The following CCDC171 variants were observed in gnomAD, a reference collection of about 807,000 sequenced individuals.
CCDC171 encodes the protein coiled-coil domain-containing protein 171.
CCDC171 carries 177 observed loss-of-function variants against 168.2 expected under a neutral mutation model. That is an observed-to-expected ratio of 1.05 (90% confidence interval 0.93 to 1.19). The LOEUF is 1.19. Among genes scored for constraint, CCDC171 ranks in the 50% most tolerant of loss-of-function variants. CCDC171 has a pLI of 0.00. For synonymous variants in CCDC171, 687 were observed against 540.8 expected (o/e 1.27, Z -3.75); for missense variants, 1,991 against 1,539.0 (o/e 1.29, Z -4.91).
chr9:15,812,981 T>G (rs951940293), intron 21 of CCDC171, among the ~76,000 whole-genome samples: 6 of 152,212 alleles, frequency 3.9e-5, no homozygotes, highest in Non-Finnish European at 7.3e-5. Context: ...TTGAGCTGGA[T>G]GCAATGACTA....
At chr9:15,628,904 G>A (rs1298527666) in intron 7 of CCDC171, among the ~76,000 whole-genome samples, 1 of 152,172 alleles carries the variant, frequency 6.6e-6, no homozygotes. Context: ...CACCGCTGCT[G>A]GTACCCAGGC....
At chr9:16,087,766 G>A in the CCDC171 span, among the ~76,000 whole-genome samples, 54 of 152,098 alleles carry the variant, frequency 3.6e-4, no homozygotes, top group Admixed American at 1.5e-3. Flanking sequence ...ATATTGTTAT[G>A]TATGGATTTG....
At chr9:15,759,123 A>G (rs993331933) in intron 18 of CCDC171, among the ~76,000 whole-genome samples, 3 of 152,088 alleles carry the variant, frequency 2.0e-5, no homozygotes, top group Non-Finnish European at 2.9e-5. Context: ...CCCTCTCTCC[A>G]GCCTTCCTCC....
chr9:15,615,134 C>G (rs2043988533), intron 6 of CCDC171, among the ~76,000 whole-genome samples: 1 of 151,922 alleles, frequency 6.6e-6, no homozygotes, highest in Non-Finnish European at 1.5e-5. Context: ...AAAATATTAG[C>G]TAACCAAATG....
At chr9:16,021,045 G>C (rs1387474668) in intron 4 of CCDC171, among the ~76,000 whole-genome samples, 1 of 152,152 alleles carries the variant, frequency 6.6e-6, no homozygotes, top group Non-Finnish European at 1.5e-5. Flanking sequence ...TATGCTTTTT[G>C]CTATATTTTA....
intron 10 of CCDC171, among the ~76,000 whole-genome samples, chr9:15,693,052 G>A (rs1406514752): frequency 6.6e-6 from 1 of 151,950 alleles, no homozygotes; most frequent in Admixed American, 6.6e-5. Context: ...CAGGAGAATC[G>A]CTTGAACCTG....
At chr9:15,938,842 C>T (rs185784159) in intron 25 of CCDC171, among the ~76,000 whole-genome samples, 94 of 151,852 alleles carry the variant, frequency 6.2e-4, no homozygotes, top group African/African-American at 2.2e-3. Flanking sequence ...CTAGTCTCTA[C>T]CACTTTATTT....
At chr9:16,103,083 C>T in the CCDC171 span, among the ~76,000 whole-genome samples, 34 of 152,244 alleles carry the variant, frequency 2.2e-4, no homozygotes, top group Non-Finnish European at 4.0e-4. Flanking sequence ...GCAGGCCCCC[C>T]TCCCACCCTT....
chr9:15,846,725 G>A lies in CCDC171; in HGVS notation c.3291G>A (p.Glu1097=), dbSNP rs771270953. 3.1e-6 allele frequency: 5 copies of A among 1,613,120 alleles called. No homozygotes were observed. In the Admixed American group the frequency reaches 5.0e-5, roughly 16 times the overall value. The change falls in exon 22 of 26, where the codon GAG becomes GAA. Residue 1097 remains glutamate (E), a synonymous_variant. Coordinates refer to ENST00000380701, the MANE Select transcript of CCDC171 (RefSeq NM_173550.4). ...AGAGTCTCTCCGAGGCAAAGATGGA[G>A]CTGAGAAGAAAAGATCAATCTCTGC... ...AVKSLSEAKM[E]LRRKDQSLRQ... is the part of the protein sequence containing the mutation.
At chr9:15,992,292 C>T (rs1053123679) in intron 3 of CCDC171, among the ~76,000 whole-genome samples, 40 of 152,196 alleles carry the variant, frequency 2.6e-4, no homozygotes, top group African/African-American at 8.4e-4. Flanking sequence ...AATCAATAAA[C>T]GTAATCCAGC....
chr9:15,790,753 C>A (rs1474182772), intron 21 of CCDC171, among the ~76,000 whole-genome samples: 2 of 152,076 alleles, frequency 1.3e-5, no homozygotes, highest in African/African-American at 4.8e-5. Context: ...GTCCTTAATC[C>A]ATCTTGAATT....
chr9:15,624,238 T>G (rs909619954), intron 7 of CCDC171, among the ~76,000 whole-genome samples: 2 of 152,124 alleles, frequency 1.3e-5, no homozygotes, highest in Non-Finnish European at 2.9e-5. Context: ...AAAATCAACT[T>G]TGAAATTATT....
At chr9:15,881,090 T>C (rs2131336485) in intron 24 of CCDC171, among the ~76,000 whole-genome samples, 1 of 152,260 alleles carries the variant, frequency 6.6e-6, no homozygotes, top group African/African-American at 2.4e-5. Context: ...TGAATGTGAA[T>C]ATAAGAAGTA....
At chr9:15,779,434 A>G (rs1471095246) in intron 20 of CCDC171, among the ~76,000 whole-genome samples, 1 of 152,016 alleles carries the variant, frequency 6.6e-6, no homozygotes. Flanking sequence ...ATCTCAGCTC[A>G]CTGCAACCTC....
In CCDC171 at chr9:15,990,473, G is replaced by A. The variant is rs964824775; in HGVS notation, n.369-30116G>A. 7.0e-4 allele frequency among the ~76,000 whole-genome samples: 106 copies of A among 152,152 alleles called. 1 individual carries two copies. The highest frequency in any genetic ancestry group is 2.3e-3 in the African/African-American group (97 of 41,432). ...CCAGTACCAGCCACTGCAAAAACAT[G>A]CCAAATTGTAAAGACCATCGATGCT... On this transcript the variant is annotated intron_variant and non_coding_transcript_variant, in intron 3 of 9. Coordinates refer to the CCDC171 transcript ENST00000486641.
intron 23 of CCDC171, among the ~76,000 whole-genome samples, chr9:15,866,282 T>C (rs1456445503): frequency 1.3e-5 from 2 of 151,866 alleles, no homozygotes; most frequent in South Asian, 2.1e-4. Context: ...AAACTGGATA[T>C]AGTGAGTAAT....
intron 1 of CCDC171, among the ~76,000 whole-genome samples, chr9:16,057,569 T>G (rs1564138618): frequency 6.6e-6 from 1 of 152,222 alleles, no homozygotes; most frequent in South Asian, 2.1e-4. Context: ...CTTTATCTGG[T>G]AGGATCTGCA....
At chr9:15,722,270 A>G (rs1468504494) in intron 12 of CCDC171, among the ~76,000 whole-genome samples, 1 of 152,226 alleles carries the variant, frequency 6.6e-6, no homozygotes, top group Non-Finnish European at 1.5e-5. Flanking sequence ...TTAGGTTAAG[A>G]TTTCTACAAA....
At chr9:15,755,808 A>G (rs974055197) in intron 18 of CCDC171, among the ~76,000 whole-genome samples, 5 of 152,180 alleles carry the variant, frequency 3.3e-5, no homozygotes, top group Non-Finnish European at 5.9e-5. Flanking sequence ...TTAAGGGAGT[A>G]TGGGAAGTGA....
Sources: gnomAD v4.1 joint callset for allele counts (sites outside exome capture counted in the v4.1 genomes callset) on GRCh38, gnomAD v4.1.1 for gene constraint, MANE v1.5 for transcripts, NCBI Gene and HGNC (gene_info 2026-07-23, HGNC 2026-07-21) for gene names.